Variants in EPHA5 observed in about 807,000 individuals in gnomAD.
The protein encoded by EPHA5 is EPH receptor A5.
Under a neutral mutation model 105.0 loss-of-function variants are expected in EPHA5, and 60 were observed. The observed-to-expected ratio is 0.57, with a 90% CI of 0.46 to 0.71. The LOEUF (loss-of-function observed/expected upper bound fraction) is 0.71. Ranked by LOEUF, EPHA5 falls within the 30% of genes least tolerant of loss-of-function variation. EPHA5 has a pLI of 0.00. For missense variants in EPHA5, 1,218 were observed against 1,274.7 expected, an observed-to-expected ratio of 0.96 and a Z score of 0.68; for synonymous variants, 513 against 449.1, an observed-to-expected ratio of 1.14 and a Z score of -1.80.
chr4:65,330,909 T>A (rs990056195), intron 16 of EPHA5: 1 of 1,038,542 alleles, frequency 9.6e-7, no homozygotes, highest in Non-Finnish European at 1.2e-6. Context: ...GTTATCGGTA[T>A]GAAGGAAGAG....
intron 6 of EPHA5, among the ~76,000 whole-genome samples, chr4:65,415,313 A>C (rs1560512889): frequency 6.6e-6 from 1 of 152,082 alleles, no homozygotes; most frequent in East Asian, 1.9e-4. Flanking sequence ...GGGTTTCCTC[A>C]CAGAGATGTT....
Position 65,323,168 on chromosome 4 carries a change from GA to G in EPHA5, c.*945del. Reference sequence around the variant, plus strand: ...AAAATGTTTTTAAAAAGCCAAAGGGGATTTAGTCTTATACACATTTCCTTTT... The same window carrying G: ...AAAATGTTTTTAAAAAGCCAAAGGGGTTTAGTCTTATACACATTTCCTTTT... On this transcript the variant is annotated 3_prime_UTR_variant, in exon 17 of 17. Transcript: ENST00000613740. 4.4e-6 allele frequency: 1 copy of G among 228,746 alleles called. No homozygotes were observed. 14.2% of individuals were successfully genotyped at this position (228,746 alleles called of 1,614,324 possible).
intron 5 of EPHA5, among the ~76,000 whole-genome samples, chr4:65,438,309 C>G (rs1203014592): frequency 6.6e-6 from 1 of 151,744 alleles, no homozygotes; most frequent in African/African-American, 2.4e-5. Context: ...TTATTTCTCC[C>G]AATGTGAATT....
At chr4:65,619,841 A>C (rs1745555256) in intron 2 of EPHA5, among the ~76,000 whole-genome samples, 1 of 151,842 alleles carries the variant, frequency 6.6e-6, no homozygotes. Flanking sequence ...TACATGTAAA[A>C]TCTACTGTTT....
At chr4:65,424,164 T>A (rs1724200156) in intron 5 of EPHA5, among the ~76,000 whole-genome samples, 1 of 151,946 alleles carries the variant, frequency 6.6e-6, no homozygotes, top group African/African-American at 2.4e-5. Context: ...CTGTGTCTGT[T>A]TGACTTATTG....
intron 3 of EPHA5, among the ~76,000 whole-genome samples, chr4:65,555,629 C>T (rs78992371): frequency 1.4e-5 from 2 of 141,400 alleles, no homozygotes; most frequent in Non-Finnish European, 2.9e-5. Context: ...TCACATATTA[C>T]GTATTTTAAC....
At chr4:65,487,313 G>A (rs1250224324) in intron 5 of EPHA5, among the ~76,000 whole-genome samples, 1 of 152,068 alleles carries the variant, frequency 6.6e-6, no homozygotes, top group Non-Finnish European at 1.5e-5. Context: ...AACTAACTTT[G>A]GGGGGAATTT....
intron 11 of EPHA5, among the ~76,000 whole-genome samples, chr4:65,359,727 A>G (rs964001952): frequency 6.6e-6 from 1 of 151,616 alleles, no homozygotes; most frequent in African/African-American, 2.4e-5. Flanking sequence ...CTAATCCATA[A>G]TGATCTGCGA....
At chr4:65,610,875 C>T (rs994571691) in intron 2 of EPHA5, among the ~76,000 whole-genome samples, 5 of 152,110 alleles carry the variant, frequency 3.3e-5, no homozygotes, top group Non-Finnish European at 5.9e-5. Flanking sequence ...TATATGGAGA[C>T]ACCTTCATAC....
chr4:65,409,139 A>G (rs1275287351), intron 7 of EPHA5, among the ~76,000 whole-genome samples: 1 of 127,366 alleles, frequency 7.9e-6, no homozygotes, highest in Admixed American at 9.0e-5. Flanking sequence ...GAATTGAACA[A>G]TGAGAACACA....
At chr4:65,361,815 TA>T (rs1717355119) in intron 11 of EPHA5, among the ~76,000 whole-genome samples, 1 of 151,654 alleles carries the variant, frequency 6.6e-6, no homozygotes, top group Admixed American at 6.6e-5. Flanking sequence ...TACATGATTC[TA>T]AATTAAGAAA....
intron 6 of EPHA5, among the ~76,000 whole-genome samples, chr4:65,419,020 A>G (rs1165811810): frequency 1.3e-5 from 2 of 151,122 alleles, no homozygotes; most frequent in East Asian, 3.9e-4. Flanking sequence ...AGCAGCTGGG[A>G]TTACAGGTGC....
chr4:65,539,179 A>C (rs1736581763), intron 3 of EPHA5, among the ~76,000 whole-genome samples: 1 of 151,680 alleles, frequency 6.6e-6, no homozygotes, highest in Admixed American at 6.6e-5. Flanking sequence ...TTCCGAAAAC[A>C]AACTGACTGC....
At chr4:65,539,039 T>C (rs528719420) in intron 3 of EPHA5, among the ~76,000 whole-genome samples, 14 of 151,794 alleles carry the variant, frequency 9.2e-5, no homozygotes, top group African/African-American at 3.4e-4. Flanking sequence ...TGTTTTATGT[T>C]CTCCTTGTTA....
chr4:65,594,321 T>G (rs559279366), intron 3 of EPHA5, among the ~76,000 whole-genome samples: 1 of 152,120 alleles, frequency 6.6e-6, no homozygotes, highest in Non-Finnish European at 1.5e-5. Flanking sequence ...CATTTCAACA[T>G]AAAATATAAT....
chr4:65,541,054 C>T (rs762828471), intron 3 of EPHA5, among the ~76,000 whole-genome samples: 2 of 151,222 alleles, frequency 1.3e-5, no homozygotes, highest in Non-Finnish European at 3.0e-5. Context: ...TCCCTCCCTC[C>T]TTCCCCTTTC....
At chr4:65,467,099 CTT>C (rs1358934042) in intron 5 of EPHA5, among the ~76,000 whole-genome samples, 1 of 152,184 alleles carries the variant, frequency 6.6e-6, no homozygotes, top group Non-Finnish European at 1.5e-5. Context: ...AAACCTGACT[CTT>C]TTATTTGTCT....
intron 3 of EPHA5, among the ~76,000 whole-genome samples, chr4:65,556,661 A>G (rs753357053): frequency 3.2e-4 from 48 of 152,114 alleles, no homozygotes; most frequent in Non-Finnish European, 2.6e-4. Context: ...AGTAATATTA[A>G]TTGTTAATTG....
chr4:65,643,893 A>AT (rs1400517482), intron 1 of EPHA5, among the ~76,000 whole-genome samples: 11 of 152,038 alleles, frequency 7.2e-5, no homozygotes, highest in African/African-American at 2.7e-4. Flanking sequence ...GCAATAAACT[A>AT]TTCCCAAGAT....
Sources: gnomAD v4.1 joint callset for allele counts (sites outside exome capture counted in the v4.1 genomes callset) on GRCh38, gnomAD v4.1.1 for gene constraint, MANE v1.5 for transcripts, NCBI Gene and HGNC (gene_info 2026-07-23, HGNC 2026-07-21) for gene names.